The following CDC42 variants were observed in gnomAD, a reference collection of about 807,000 sequenced individuals.
The protein encoded by CDC42 is cell division control protein 42 homolog.
In CDC42, 1 loss-of-function variant was observed where a neutral mutation model predicts 20.8. That is an observed-to-expected ratio of 0.05 (90% confidence interval 0.02 to 0.23). The LOEUF is 0.23. Among genes scored for constraint, CDC42 ranks in the 10% least tolerant of loss-of-function variants. CDC42 has a pLI of 1.00. For synonymous variants in CDC42, 72 were observed against 84.8 expected (o/e 0.85, Z 0.83); for missense variants, 49 against 227.9 (o/e 0.21, Z 5.05).
At position 22,078,823 on chromosome 1, in the gene CDC42, A is replaced by G. The variant is rs866591162; in HGVS notation, c.105+240A>G. The G allele has an allele frequency of 1.1e-5, 16 of 1,424,740 alleles. No homozygotes were observed. The African/African-American group carries it at 2.1e-4, about 19-fold the overall frequency. The allele number at this position is 1,424,740 out of a possible 1,614,324, so 88.3% of individuals were successfully genotyped here. On this transcript the variant is annotated intron_variant, in intron 2 of 5. Coordinates refer to ENST00000656825, the MANE Select transcript of CDC42 (RefSeq NM_001791.4). ...GCTGGGAGGCAAAACTCCAGTAGACAAGATTCTAACGAGTGGTGGTCTCAA... is the reference window on the plus strand; with the variant it reads ...GCTGGGAGGCAAAACTCCAGTAGACGAGATTCTAACGAGTGGTGGTCTCAA...
At position 22,101,004 on chromosome 1, in the gene CDC42, C is replaced by T. The variant is rs1645785653; in HGVS notation, c.*9487C>T. ...ATTGGTGTTAAGGAGTTAGGTCCAT[C>T]TCTTGGCAGCTTGTGAAGGGTGGGC... On this transcript the variant is annotated 3_prime_UTR_variant, in exon 6 of 6. Coordinates refer to ENST00000656825, the MANE Select transcript of CDC42 (RefSeq NM_001791.4). 1 of 152,192 alleles carries T rather than the reference C, an allele frequency of 6.6e-6. No individual in the cohort carries two copies. Among genetic ancestry groups the T allele is most frequent in the African/African-American group, 2.4e-5 (1 of 41,452 alleles). The allele number at this position is 152,192 out of a possible 1,614,324, so 9.4% of individuals were successfully genotyped here.
At chr1:22,091,302 A>G (rs1645713453) in intron 5 of CDC42, 126 bp from the exon 6 acceptor site, 1 of 625,360 alleles carries the variant, frequency 1.6e-6, no homozygotes, top group African/African-American at 1.8e-5. Flanking sequence ...TTGTGTTGAG[A>G]TTCAGGGTTG....
intron 1 of CDC42, chr1:22,068,725 C>T (rs556562466): frequency 6.6e-6 from 1 of 152,432 alleles, no homozygotes; most frequent in South Asian, 2.1e-4. Flanking sequence ...ATTTTATTTT[C>T]TTCCTCTTCT....
chr1:22,077,509 A>G (rs1188640430), intron 1 of CDC42, among the ~76,000 whole-genome samples: 1 of 152,130 alleles, frequency 6.6e-6, no homozygotes, highest in Non-Finnish European at 1.5e-5. Context: ...TAATTTAAAT[A>G]TAAATCTTAA....
chr1:22,071,557 G>T (rs192628824), intron 1 of CDC42, among the ~76,000 whole-genome samples: 1 of 152,162 alleles, frequency 6.6e-6, no homozygotes, highest in Non-Finnish European at 1.5e-5. Context: ...AAAATTGTAC[G>T]TTAGATATGC....
intron 3 of CDC42, 98 bp downstream of exon 3, chr1:22,081,892 A>G (rs1645611644): frequency 1.3e-6 from 1 of 765,278 alleles, no homozygotes; most frequent in African/African-American, 1.7e-5. Context: ...TGAGCAAAGT[A>G]CTTGCCTTTT....
rs1018629810 is a variant in CDC42, at chr1:22,096,668, G to A, written c.*5151G>A. On this transcript the variant is annotated 3_prime_UTR_variant, in exon 6 of 6. Coordinates refer to ENST00000656825, the MANE Select transcript of CDC42 (RefSeq NM_001791.4). ...TCACTGTATTCTGTGTGCCTGTGCC[G>A]CGGTGCAGGTGGTCAGTTGGAACCC... Among the ~76,000 whole-genome samples, 4 of 152,192 alleles carry A rather than the reference G, an allele frequency of 2.6e-5. No individual in the cohort carries two copies. Among genetic ancestry groups the A allele is most frequent in the African/African-American group, 9.7e-5 (4 of 41,428 alleles).
At chr1:22,073,374 T>TA (rs528270035) in intron 1 of CDC42, among the ~76,000 whole-genome samples, 19 of 151,566 alleles carry the variant, frequency 1.3e-4, no homozygotes, top group African/African-American at 4.6e-4. Context: ...CCGTCTCTAC[T>TA]AAAAAAATAC....
intron 1 of CDC42, among the ~76,000 whole-genome samples, chr1:22,072,952 A>G (rs1266247012): frequency 6.6e-6 from 1 of 152,162 alleles, no homozygotes; most frequent in Non-Finnish European, 1.5e-5. Flanking sequence ...TTTTTTGTAA[A>G]ACTTACTAGC....
rs373896250 is a variant in CDC42 at position 22,093,492 on chromosome 1, T to G, written c.*1975T>G. On this transcript the variant is annotated 3_prime_UTR_variant, in exon 6 of 6. Coordinates refer to ENST00000656825, the MANE Select transcript of CDC42 (RefSeq NM_001791.4). ...TCTTTAGGTAGCAAGAAAGGTTTATTTACCTTTAGGACATTATACTGATCT... is the reference window on the plus strand; with the variant it reads ...TCTTTAGGTAGCAAGAAAGGTTTATGTACCTTTAGGACATTATACTGATCT... Among the ~76,000 whole-genome samples, 1 of 152,228 alleles carries G rather than the reference T, an allele frequency of 6.6e-6. No homozygotes were observed. Among genetic ancestry groups the G allele is most frequent in the East Asian group, 1.9e-4 (1 of 5,208 alleles).
chr1:22,069,597 C>T (rs1274139747), intron 1 of CDC42, among the ~76,000 whole-genome samples: 1 of 144,774 alleles, frequency 6.9e-6, no homozygotes, highest in Non-Finnish European at 1.5e-5. Context: ...GTTGGGACTA[C>T]AGGCACATGC....
chr1:22,082,007 G>T (rs1645612648), intron 3 of CDC42, among the ~76,000 whole-genome samples: 1 of 150,870 alleles, frequency 6.6e-6, no homozygotes, highest in Non-Finnish European at 1.5e-5. Flanking sequence ...TGGGTGAACA[G>T]TGTAGTAGAT....
chr1:22,080,110 G>GGTAA (rs1351424732), intron 2 of CDC42, among the ~76,000 whole-genome samples: 1 of 152,098 alleles, frequency 6.6e-6, no homozygotes, highest in African/African-American at 2.4e-5. Flanking sequence ...GAGCTGGATG[G>GGTAA]GACAATATAT....
intron 2 of CDC42, 32 bp from the exon 3 acceptor site, chr1:22,081,690 A>C: frequency 7.2e-7 from 1 of 1,387,282 alleles, no homozygotes; most frequent in Non-Finnish European, 1.0e-6. Flanking sequence ...CTCTCCTTGC[A>C]CACTAACAGT....
intron 3 of CDC42, among the ~76,000 whole-genome samples, chr1:22,082,342 A>G (rs549091140): frequency 2.6e-5 from 4 of 152,224 alleles, no homozygotes; most frequent in Non-Finnish European, 5.9e-5. Flanking sequence ...AGCTTATTTT[A>G]AACTGTATCT....
intron 1 of CDC42, among the ~76,000 whole-genome samples, chr1:22,056,939 A>G (rs1174102773): frequency 1.3e-5 from 2 of 152,214 alleles, no homozygotes. Context: ...AATGCTTTAC[A>G]CTTTAACCTT....
rs61584354 is a variant in CDC42 at position 22,084,335 on chromosome 1, G to GTTTTTTTT, written c.179-2086_179-2079dup. Among the ~76,000 whole-genome samples the GTTTTTTTT allele has an allele frequency of 4.8e-3, 389 of 80,620 alleles. 2 individuals are homozygous for GTTTTTTTT. The highest frequency in any genetic ancestry group is 0.011 in the Middle Eastern group (1 of 94). 52.9% of individuals were successfully genotyped at this position (80,620 alleles called of 152,430 possible). A position where few individuals can be genotyped will look rare whatever the true frequency, so the allele number is the denominator to read the frequency against. Reference sequence around the variant, plus strand: ...TTCTTCTGTTCGACACTTATTTCCTGTTTTTTTTTTTTTTTTTTTTTTTTT... The same window carrying GTTTTTTTT: ...TTCTTCTGTTCGACACTTATTTCCTGTTTTTTTTTTTTTTTTTTTTTTTTTTTTTTTTT... On this transcript the variant is annotated intron_variant, in intron 3 of 5. Transcript: ENST00000656825.
At chr1:22,090,067 C>T (rs750642407) in intron 5 of CDC42, 2 of 1,609,546 alleles carry the variant, frequency 1.2e-6, no homozygotes, top group East Asian at 2.2e-5. Context: ...CTGCTGCTTC[C>T]TGTCCCACTA....
chr1:22,090,131 T>G (rs1645701440), intron 5 of CDC42: 5 of 1,463,776 alleles, frequency 3.4e-6, no homozygotes, highest in Non-Finnish European at 4.6e-6. Flanking sequence ...TTTGAAAGCC[T>G]CTGCGTCTTT....
Sources: allele counts gnomAD v4.1 joint callset (sites outside exome capture counted in the v4.1 genomes callset), GRCh38; gene constraint gnomAD v4.1.1; transcripts MANE v1.5; gene names NCBI Gene and HGNC (gene_info 2026-07-23, HGNC 2026-07-21).